SLIT3: variants seen among roughly 807,000 people sequenced by gnomAD.
SLIT3 encodes slit homolog 3 protein.
SLIT3 carries 68 observed loss-of-function variants against 184.0 expected under a neutral mutation model. The ratio of observed to expected loss-of-function variants is 0.37; its 90% CI spans 0.30 to 0.45. SLIT3 has a LOEUF of 0.45. SLIT3 is among the 20% of genes least tolerant of loss of function. The pLI, the probability that SLIT3 is intolerant of heterozygous loss-of-function variation, is 1.00. For synonymous variants in SLIT3, 831 were observed against 828.6 expected (o/e 1.00, Z -0.05); for missense variants, 1,707 against 2,026.0 (o/e 0.84, Z 3.02).
chr5:169,174,230 T>A (rs1410665274), intron 4 of SLIT3, among the ~76,000 whole-genome samples: 1 of 152,164 alleles, frequency 6.6e-6, no homozygotes, highest in East Asian at 1.9e-4. Flanking sequence ...TGTTGGTTCA[T>A]TTTCCCTTAT....
At chr5:169,282,789 T>C (rs1767033827) in intron 1 of SLIT3, among the ~76,000 whole-genome samples, 2 of 152,234 alleles carry the variant, frequency 1.3e-5, no homozygotes, top group Admixed American at 1.3e-4. Flanking sequence ...TTATGCTGAA[T>C]GTTTTACATA....
chr5:168,827,805 A>G (rs952227642), intron 6 of SLIT3, among the ~76,000 whole-genome samples: 1 of 152,224 alleles, frequency 6.6e-6, no homozygotes, highest in Non-Finnish European at 1.5e-5. Flanking sequence ...GGGTTGGCAA[A>G]CAACTGCCCA....
At chr5:169,014,425 T>C (rs953360469) in intron 4 of SLIT3, among the ~76,000 whole-genome samples, 7 of 152,092 alleles carry the variant, frequency 4.6e-5, no homozygotes, top group Admixed American at 2.6e-4. Flanking sequence ...GGGGAGAGGA[T>C]GGTGAGGTGG....
chr5:169,199,696 A>G (rs1302002741), intron 3 of SLIT3, among the ~76,000 whole-genome samples: 2 of 152,174 alleles, frequency 1.3e-5, no homozygotes, highest in Non-Finnish European at 2.9e-5. Context: ...GTCAAGCTTG[A>G]CCAACGTGAT....
At chr5:168,932,795 T>C (rs1333689574) in intron 4 of SLIT3, among the ~76,000 whole-genome samples, 1 of 152,346 alleles carries the variant, frequency 6.6e-6, no homozygotes, top group East Asian at 1.9e-4. Context: ...TAAACCACAC[T>C]GTGCATGTAA....
At chr5:169,255,566 TA>T (rs969859567) in intron 1 of SLIT3, among the ~76,000 whole-genome samples, 26 of 151,754 alleles carry the variant, frequency 1.7e-4, no homozygotes, top group African/African-American at 3.6e-4. Flanking sequence ...TACGAAGGAA[TA>T]AAAAAAAATT....
intron 29 of SLIT3, among the ~76,000 whole-genome samples, chr5:168,690,491 T>C (rs537047192): frequency 6.6e-6 from 1 of 152,338 alleles, no homozygotes; most frequent in South Asian, 2.1e-4. Context: ...CAGAGCACTC[T>C]GCTTGCCTGG....
In SLIT3 at chr5:169,018,349, C is replaced by G. The variant is rs182930548; in HGVS notation, c.414-135013G>C. On this transcript the variant is annotated intron_variant, in intron 4 of 35. Transcript: ENST00000519560. ...AATTCATACATTTTACCAAACCCATCTGAAAAGGGCAGTAAAATAAAAATA... is the reference window on the plus strand; with the variant it reads ...AATTCATACATTTTACCAAACCCATGTGAAAAGGGCAGTAAAATAAAAATA... 10 of 151,648 alleles carry G rather than the reference C, an allele frequency of 6.6e-5. No homozygotes were observed. The East Asian group carries it at 2.0e-3, about 30-fold the overall frequency. The allele number at this position is 151,648 out of a possible 1,614,324, so 9.4% of individuals were successfully genotyped here.
At chr5:168,732,445 A>G (rs1457906413) in intron 20 of SLIT3, among the ~76,000 whole-genome samples, 3 of 152,096 alleles carry the variant, frequency 2.0e-5, no homozygotes, top group East Asian at 1.9e-4. Context: ...CATTTGGTAC[A>G]TTTTTCACAG....
intron 4 of SLIT3, among the ~76,000 whole-genome samples, chr5:169,119,461 A>G (rs1760804520): frequency 6.6e-6 from 1 of 152,236 alleles, no homozygotes; most frequent in Admixed American, 6.5e-5. Context: ...CCCAGCAGGA[A>G]GGACTAACAG....
intron 3 of SLIT3, among the ~76,000 whole-genome samples, chr5:169,235,098 T>C (rs759849759): frequency 7.9e-5 from 12 of 152,214 alleles, no homozygotes; most frequent in Admixed American, 3.9e-4. Context: ...ATAGTAATTA[T>C]CAGTACTATC....
At chr5:168,942,225 T>C (rs528139073) in intron 4 of SLIT3, among the ~76,000 whole-genome samples, 5 of 152,276 alleles carry the variant, frequency 3.3e-5, no homozygotes, top group African/African-American at 9.6e-5. Flanking sequence ...CCAAACTCCA[T>C]GCTGAAGAGG....
At chr5:169,238,183 G>A (rs747129446) in intron 3 of SLIT3, among the ~76,000 whole-genome samples, 4 of 152,078 alleles carry the variant, frequency 2.6e-5, no homozygotes, top group Non-Finnish European at 5.9e-5. Context: ...TATTGTATTG[G>A]CAGTACTTAT....
chr5:168,957,258 G>T (rs1370681487), intron 4 of SLIT3, among the ~76,000 whole-genome samples: 8 of 151,844 alleles, frequency 5.3e-5, no homozygotes, highest in Admixed American at 2.6e-4. Context: ...AGAGGTGGGG[G>T]TCTGGCTATG....
At chr5:168,678,499 T>C (rs1231597086) in intron 32 of SLIT3, among the ~76,000 whole-genome samples, 4 of 152,050 alleles carry the variant, frequency 2.6e-5, no homozygotes, top group South Asian at 4.2e-4. Flanking sequence ...CTGGCCAACA[T>C]AGTGAAACCC....
At chr5:168,687,156 A>G (rs949201802) in intron 29 of SLIT3, 40 bp from the exon 30 acceptor site, 1 of 1,602,022 alleles carries the variant, frequency 6.2e-7, no homozygotes. Flanking sequence ...CTCAAGGCAA[A>G]GCCAGCTTGC....
intron 23 of SLIT3, among the ~76,000 whole-genome samples, chr5:168,716,483 A>G (rs1213373071): frequency 1.3e-5 from 2 of 152,342 alleles, no homozygotes; most frequent in East Asian, 1.9e-4. Context: ...CACATTAGCT[A>G]TGATGATTGT....
intron 20 of SLIT3, among the ~76,000 whole-genome samples, chr5:168,728,669 C>G (rs1329087106): frequency 6.6e-6 from 1 of 152,046 alleles, no homozygotes; most frequent in Non-Finnish European, 1.5e-5. Flanking sequence ...GCCTGTAATT[C>G]TAGCAGTCTG....
chr5:169,300,770 G>C lies in SLIT3; in HGVS notation c.-61C>G. On this transcript the variant is annotated 5_prime_UTR_variant, in exon 1 of 36. Transcript: ENST00000519560. The surrounding 1 kb of genome is among the most constrained non-coding windows in gnomAD (Gnocchi z 4.1). ...CTGCGGGGCAAGACGCGTGGAGCCC[G>C]AGGAGGCGCGCGGGGAGCGCGGGCG... 8.0e-7 allele frequency: 1 copy of C among 1,252,080 alleles called. No individual in the cohort carries two copies. The highest frequency in any genetic ancestry group is 1.0e-6 in the Non-Finnish European group (1 of 1,000,820). 77.6% of individuals were successfully genotyped at this position (1,252,080 alleles called of 1,614,324 possible).
Sources: allele counts gnomAD v4.1 joint callset (sites outside exome capture counted in the v4.1 genomes callset), GRCh38; gene constraint gnomAD v4.1.1; non-coding constraint Gnocchi (gnomAD v3.1); transcripts MANE v1.5; gene names NCBI Gene and HGNC (gene_info 2026-07-23, HGNC 2026-07-21).